The following RPS6KA6 variants were observed in gnomAD, a reference collection of about 807,000 sequenced individuals.
RPS6KA6 encodes the protein ribosomal protein S6 kinase alpha-6.
RPS6KA6 carries 27 observed loss-of-function variants against 65.4 expected under a neutral mutation model. That is an observed-to-expected ratio of 0.41 (90% CI 0.30 to 0.57). The LOEUF (loss-of-function observed/expected upper bound fraction) is 0.57. Among genes scored for constraint, RPS6KA6 ranks in the 20% least tolerant of loss-of-function variants. RPS6KA6 has a pLI of 0.24. For missense variants in RPS6KA6, 486 were observed against 555.6 expected, an observed-to-expected ratio of 0.87 and a Z score of 1.26; for synonymous variants, 190 against 184.2, an observed-to-expected ratio of 1.03 and a Z score of -0.26.
intron 14 of RPS6KA6, among the ~76,000 whole-genome samples, 185 bp downstream of exon 14, chrX:84,106,725 A>G (rs1161917948): frequency 5.4e-5 from 6 of 111,684 alleles, no homozygotes; most frequent in East Asian, 2.8e-4. Flanking sequence ...CCACATAAAT[A>G]TAATTAAAAG....
intron 20 of RPS6KA6, among the ~76,000 whole-genome samples, chrX:84,087,957 T>A (rs1236732209): frequency 8.9e-6 from 1 of 112,474 alleles, no homozygotes; most frequent in African/African-American, 3.2e-5. Flanking sequence ...CTACTGATAC[T>A]TGTGATTACG....
chrX:84,103,220 T>C (rs1052692801), intron 17 of RPS6KA6, among the ~76,000 whole-genome samples: 3 of 111,193 alleles, frequency 2.7e-5, no homozygotes, highest in Non-Finnish European at 5.7e-5. Flanking sequence ...GATTCCAAGA[T>C]GAACCATGCT....
intron 2 of RPS6KA6, among the ~76,000 whole-genome samples, chrX:84,158,419 A>G (rs2035451647): frequency 9.0e-6 from 1 of 111,125 alleles, no homozygotes; most frequent in African/African-American, 3.3e-5. Context: ...TACAAAACAA[A>G]AAATATATAT....
intron 20 of RPS6KA6, among the ~76,000 whole-genome samples, chrX:84,088,787 A>G (rs1188527254): frequency 8.9e-6 from 1 of 112,334 alleles, no homozygotes; most frequent in East Asian, 2.8e-4. Flanking sequence ...TACCTCAGGG[A>G]GAAATCAGAG....
At chrX:84,125,901 C>G (rs1260386413) in intron 8 of RPS6KA6, among the ~76,000 whole-genome samples, 2 of 110,687 alleles carry the variant, frequency 1.8e-5, no homozygotes, top group Non-Finnish European at 3.8e-5. Context: ...TAAATCACAG[C>G]ACCACAGAAA....
intron 8 of RPS6KA6, among the ~76,000 whole-genome samples, chrX:84,125,146 T>C (rs1437778727): frequency 1.8e-5 from 2 of 111,893 alleles, no homozygotes; most frequent in Non-Finnish European, 3.8e-5. Flanking sequence ...TTATAAGAAA[T>C]GCTAAAGGGA....
chrX:84,148,099 C>T lies in RPS6KA6; in HGVS notation c.283G>A (p.Gly95Ser), dbSNP rs781063407. The change falls in exon 4 of 22, where the codon GGT becomes AGT. Residue 95 changes from glycine (G) to serine (S), a missense_variant. This residue lies in a region of RPS6KA6 where 106 missense variants were observed against 105.0 expected (regional missense o/e 1.01). Transcript: ENST00000262752. The part of the protein sequence containing the change: ...GKVFLVRKKT[G>S]PDAGQLYAMK... ...GCATAGAGCTGCCCAGCATCAGGAC[C>T]GGTCTTCTTTCTAACAAGAAAAACC... The T allele has an allele frequency of 5.1e-6, 6 of 1,176,969 alleles. No homozygotes were observed. Among genetic ancestry groups the T allele is most frequent in the Admixed American group, 2.4e-5 (1 of 42,066 alleles).
rs893418708 is a variant in RPS6KA6, at chrX:84,059,654, A to G, written c.*4623T>C. 1.8e-5 allele frequency: 2 copies of G among 111,298 alleles called. No individual in the cohort carries two copies. Among genetic ancestry groups the G allele is most frequent in the Admixed American group, 9.5e-5 (1 of 10,488 alleles). The allele number at this position is 111,298 out of a possible 1,213,427, so 9.2% of individuals were successfully genotyped here. On this transcript the variant is annotated 3_prime_UTR_variant, in exon 22 of 22. Coordinates refer to ENST00000262752, the MANE Select transcript of RPS6KA6 (RefSeq NM_014496.5). ...AACGAATGCAGTTAGTACATTCTCT[A>G]TAATTGTCCACGTAAAATTAAATGC...
intron 20 of RPS6KA6, among the ~76,000 whole-genome samples, chrX:84,084,599 T>C (rs772841061): frequency 4.3e-4 from 48 of 112,385 alleles, no homozygotes; most frequent in Non-Finnish European, 8.3e-4. Context: ...TCAAGCTGTT[T>C]TGGTTACTGT....
intron 12 of RPS6KA6, among the ~76,000 whole-genome samples, chrX:84,110,747 T>A (rs1018985884): frequency 3.6e-5 from 4 of 111,191 alleles, no homozygotes; most frequent in African/African-American, 1.3e-4. Flanking sequence ...TGACAGCTTC[T>A]ACAGATAAGA....
chrX:84,165,768 G>A (rs1723069571), intron 1 of RPS6KA6, among the ~76,000 whole-genome samples: 1 of 111,090 alleles, frequency 9.0e-6, no homozygotes, highest in African/African-American at 3.3e-5. Context: ...AAAATGTGAA[G>A]GTAATCCCTG....
Position 84,065,073 on chromosome X carries a change from C to T in RPS6KA6, c.2010G>A (p.Gln670=). The T allele has an allele frequency of 8.3e-7, 1 of 1,201,731 alleles. No individual in the cohort carries two copies. The highest frequency in any genetic ancestry group is 1.1e-6 in the Non-Finnish European group (1 of 889,124). The change falls in exon 21 of 22, where the codon CAG becomes CAA. Residue 670 remains glutamine (Q), a synonymous_variant. Coordinates refer to ENST00000262752, the MANE Select transcript of RPS6KA6 (RefSeq NM_014496.5). The part of the protein sequence containing the change: ...LSHMLHMDPH[Q]RYTAEQILKH... ...TTAATATTTGTTCAGCAGTATACCGCTGATGTGGGTCCATATGAAGCATAT... is the reference window on the plus strand; with the variant it reads ...TTAATATTTGTTCAGCAGTATACCGTTGATGTGGGTCCATATGAAGCATAT...
rs2034350953 is a variant in RPS6KA6 at position 84,105,891 on chromosome X, A to G, written c.1366-15T>C. On this transcript the variant is annotated splice_polypyrimidine_tract_variant and intron_variant, in intron 15 of 21. Coordinates refer to ENST00000262752, the MANE Select transcript of RPS6KA6 (RefSeq NM_014496.5). Reference sequence around the variant, plus strand: ...TTGTCAATGATCTAAGAAATACGAAAAAAGAAAAATATCTGAGGCAAACAA... The same window carrying G: ...TTGTCAATGATCTAAGAAATACGAAGAAAGAAAAATATCTGAGGCAAACAA... 1.0e-6 allele frequency: 1 copy of G among 970,261 alleles called. No homozygotes were observed. Among genetic ancestry groups the G allele is most frequent in the East Asian group, 3.1e-5 (1 of 32,216 alleles). The allele number at this position is 970,261 out of a possible 1,213,427, so 80.0% of individuals were successfully genotyped here.
chrX:84,180,097 G>A (rs184879797), intron 1 of RPS6KA6, among the ~76,000 whole-genome samples: 31 of 111,238 alleles, frequency 2.8e-4, no homozygotes, highest in South Asian at 1.1e-3. Flanking sequence ...CTCATATGAC[G>A]TTTTTCTCCT....
intron 20 of RPS6KA6, among the ~76,000 whole-genome samples, chrX:84,073,616 C>A: frequency 9.1e-6 from 1 of 110,446 alleles, no homozygotes. Flanking sequence ...AAAATATTTG[C>A]AAAGTACATA....
At chrX:84,149,636 T>C (rs1331750749) in intron 3 of RPS6KA6, among the ~76,000 whole-genome samples, 1 of 111,418 alleles carries the variant, frequency 9.0e-6, no homozygotes. Flanking sequence ...ATGTCTTTTT[T>C]TTTCCCTGAA....
In RPS6KA6 at chrX:84,187,986, C is replaced by T. The variant is rs1428126333; in HGVS notation, c.-87G>A. On this transcript the variant is annotated 5_prime_UTR_variant, in exon 1 of 22. Transcript: ENST00000262752. ...GTCTATTGAACTGGCCCGCCGCCGC[C>T]GCCGCCGCCGCCGCCGCCGCCGCGA... is the stretch of plus-strand genomic sequence containing the variant. The T allele has an allele frequency of 9.9e-6, 5 of 505,898 alleles. No individual in the cohort carries two copies. The South Asian group carries it at 2.3e-4, about 23-fold the overall frequency. The allele number at this position is 505,898 out of a possible 1,213,427, so 41.7% of individuals were successfully genotyped here.
intron 1 of RPS6KA6, among the ~76,000 whole-genome samples, chrX:84,180,482 T>C (rs543846328): frequency 4.1e-4 from 46 of 112,143 alleles, no homozygotes; most frequent in African/African-American, 1.3e-3. Context: ...TCTGGTCTAC[T>C]GATCTACGTG....
At chrX:84,119,845 A>T in intron 9 of RPS6KA6, 40 bp downstream of exon 9, 1 of 1,065,833 alleles carries the variant, frequency 9.4e-7, no homozygotes, top group Non-Finnish European at 1.2e-6. Context: ...AGTAATATCA[A>T]TCACAGGTTG....
Sources: gnomAD v4.1 joint callset for allele counts (sites outside exome capture counted in the v4.1 genomes callset) on GRCh38, gnomAD v4.1.1 for gene constraint, gnomAD v4.1.1 regional missense constraint, MANE v1.5 for transcripts, NCBI Gene and HGNC (gene_info 2026-07-23, HGNC 2026-07-21) for gene names.